WAC: variants seen among roughly 807,000 people sequenced by gnomAD.
WAC encodes the protein WW domain-containing adapter protein with coiled-coil.
A neutral mutation model predicts 79.6 loss-of-function variants in WAC; 11 were observed. That is an observed-to-expected ratio of 0.14 (90% CI 0.09 to 0.23). The LOEUF is 0.23. Among genes scored for constraint, WAC ranks in the 10% least tolerant of loss-of-function variants. WAC has a pLI of 1.00. For missense variants in WAC, 728 were observed against 773.5 expected, an observed-to-expected ratio of 0.94 and a Z score of 0.70; for synonymous variants, 304 against 276.9, an observed-to-expected ratio of 1.10 and a Z score of -0.97.
At position 28,617,676 on chromosome 10, in the gene WAC, A is replaced by G; in HGVS notation, c.1766A>G (p.Glu589Gly). ...AEKQASRLRE[E>G]AHNMGTIHMS... ...TTACAGGCATCAAGATTACGCGAAGAAGCGCATAACATGGGAACTATTCAC... is the reference window on the plus strand; with the variant it reads ...TTACAGGCATCAAGATTACGCGAAGGAGCGCATAACATGGGAACTATTCAC... Residue 589 changes from glutamate to glycine, a missense_variant, in exon 13 of 14, where the codon GAA (glutamate) becomes GGA (glycine). Glu to Gly is a moderately conservative substitution (Grantham distance 98). Around this residue, in one of 3 missense-constraint regions of WAC, gnomAD observed 66 missense variants for 78.9 expected, o/e 0.84. Coordinates refer to ENST00000354911, the MANE Select transcript of WAC (RefSeq NM_016628.5). 2 of 1,575,268 alleles carry G rather than the reference A, an allele frequency of 1.3e-6. No individual in the cohort carries two copies. Among genetic ancestry groups the G allele is most frequent in the Non-Finnish European group, 1.7e-6 (2 of 1,167,916 alleles).
intron 8 of WAC, among the ~76,000 whole-genome samples, chr10:28,609,624 C>T (rs1484332830): frequency 6.6e-6 from 1 of 152,168 alleles, no homozygotes; most frequent in African/African-American, 2.4e-5. Flanking sequence ...TGCAGTGGCT[C>T]ATGCCTGTAA....
Position 28,596,000 on chromosome 10 carries a change from C to T in WAC, c.878C>T (p.Thr293Ile), listed in dbSNP as rs1340709037. Reference protein sequence around the residue: ...NGASTLSKLPTPTSSVPAQKT... With the variant: ...NGASTLSKLPIPTSSVPAQKT... Reference sequence around the variant, plus strand: ...GCATCTACTTTATCAAAACTGCCTACACCCACATCTTCTGTCCCTGCACAG... The same window carrying T: ...GCATCTACTTTATCAAAACTGCCTATACCCACATCTTCTGTCCCTGCACAG... Residue 293 changes from threonine (T) to isoleucine (I), a missense_variant, in exon 7 of 14, where the codon ACA becomes ATA. Coordinates refer to ENST00000354911, the MANE Select transcript of WAC (RefSeq NM_016628.5). 4.3e-6 allele frequency: 7 copies of T among 1,614,028 alleles called. No individual in the cohort carries two copies. The highest frequency in any genetic ancestry group is 5.1e-6 in the Non-Finnish European group (6 of 1,180,014).
intron 5 of WAC, among the ~76,000 whole-genome samples, chr10:28,590,286 T>G (rs553805109): frequency 3.8e-5 from 5 of 130,598 alleles, no homozygotes; most frequent in Non-Finnish European, 7.7e-5. Flanking sequence ...CACTCTAGCC[T>G]GAGCAACAGA....
intron 8 of WAC, among the ~76,000 whole-genome samples, chr10:28,609,463 T>C (rs1035893862): frequency 1.3e-5 from 2 of 152,244 alleles, no homozygotes; most frequent in Non-Finnish European, 2.9e-5. Flanking sequence ...AAAATAAAGC[T>C]ATCTCAGGCT....
chr10:28,580,615 G>A (rs1023721694), intron 3 of WAC, among the ~76,000 whole-genome samples: 6 of 152,022 alleles, frequency 3.9e-5, no homozygotes, highest in African/African-American at 1.5e-4. Flanking sequence ...TTCCATTACT[G>A]TCGACAAACT....
Position 28,559,776 on chromosome 10 carries a change from G to A in WAC, c.275-23623G>A, listed in dbSNP as rs1265402700. Among the ~76,000 whole-genome samples, 4 of 152,328 alleles carry A rather than the reference G, an allele frequency of 2.6e-5. No homozygotes were observed. In the East Asian group the frequency reaches 7.7e-4, roughly 29 times the overall value. Reference sequence around the variant, plus strand: ...GAACCCACATAGCAAGAAACTTCAAGAGGTGATTAGTTAGCTTGAGCGGGG... The same window carrying A: ...GAACCCACATAGCAAGAAACTTCAAAAGGTGATTAGTTAGCTTGAGCGGGG... On this transcript the variant is annotated intron_variant, in intron 3 of 13. Coordinates refer to ENST00000354911, the MANE Select transcript of WAC (RefSeq NM_016628.5).
intron 13 of WAC, among the ~76,000 whole-genome samples, chr10:28,619,202 C>G (rs997362331): frequency 1.3e-5 from 2 of 152,280 alleles, no homozygotes; most frequent in South Asian, 2.1e-4. Flanking sequence ...ATTGCTTGAA[C>G]CCGGGAGGCG....
chr10:28,541,361 C>G (rs1748735977), intron 3 of WAC, among the ~76,000 whole-genome samples: 1 of 145,152 alleles, frequency 6.9e-6, no homozygotes, highest in Admixed American at 7.0e-5. Context: ...AGATATAACT[C>G]ATTGTCAATT....
At chr10:28,594,243 T>C (rs1010329221) in intron 6 of WAC, among the ~76,000 whole-genome samples, 11 of 152,340 alleles carry the variant, frequency 7.2e-5, no homozygotes, top group African/African-American at 2.6e-4. Flanking sequence ...TGATACATTT[T>C]GACTAGCGAT....
intron 3 of WAC, among the ~76,000 whole-genome samples, chr10:28,549,256 TG>T (rs1170896963): frequency 6.6e-6 from 1 of 152,204 alleles, no homozygotes; most frequent in African/African-American, 2.4e-5. Flanking sequence ...TTTAATCTCA[TG>T]CTTGAGCCGT....
At chr10:28,545,782 G>T (rs1482717314) in intron 3 of WAC, among the ~76,000 whole-genome samples, 1 of 152,228 alleles carries the variant, frequency 6.6e-6, no homozygotes, top group Non-Finnish European at 1.5e-5. Flanking sequence ...CAGTAGAGAA[G>T]TTTCTAATTG....
chr10:28,596,123 C>T, intron 7 of WAC, 82 bp downstream of exon 7: 6 of 1,390,480 alleles, frequency 4.3e-6, no homozygotes, highest in Non-Finnish European at 3.9e-6. Context: ...ACATTATTTC[C>T]TTTGGCTCTG....
intron 3 of WAC, among the ~76,000 whole-genome samples, chr10:28,547,910 TTTTTC>T (rs1837445454): frequency 1.9e-5 from 2 of 103,062 alleles, no homozygotes; most frequent in South Asian, 3.8e-4. Context: ...TTTCTTTCTC[TTTTTC>T]TTTTTTTTTT....
chr10:28,587,135 C>T (rs925675641), intron 4 of WAC, among the ~76,000 whole-genome samples: 1 of 151,318 alleles, frequency 6.6e-6, no homozygotes, highest in Non-Finnish European at 1.5e-5. Context: ...TGAGTCTCAT[C>T]AATATCTACC....
intron 5 of WAC, 96 bp downstream of exon 5, chr10:28,589,947 T>C: frequency 1.1e-6 from 1 of 872,164 alleles, no homozygotes; most frequent in Non-Finnish European, 1.8e-6. Flanking sequence ...AGCTTTTTTA[T>C]AGTGCTGCCC....
At chr10:28,535,956 C>T (rs1836642324) in intron 3 of WAC, 199 bp downstream of exon 3, 1 of 490,714 alleles carries the variant, frequency 2.0e-6, no homozygotes, top group Non-Finnish European at 3.4e-6. Flanking sequence ...AAAGTGGACT[C>T]TTAAGGCCAG....
chr10:28,578,048 A>G lies in WAC; in HGVS notation c.275-5351A>G, dbSNP rs535187452. 8.5e-5 allele frequency among the ~76,000 whole-genome samples: 13 copies of G among 152,308 alleles called. No homozygotes were observed. The South Asian group carries it at 2.7e-3, about 32-fold the overall frequency. ...GTAGCGTATATCTGTAGTGCCAGCT[A>G]CTTGGGAGGCTGAGGCACAAGGATC... is the stretch of plus-strand genomic sequence containing the variant. On this transcript the variant is annotated intron_variant, in intron 3 of 13. Transcript: ENST00000354911.
At chr10:28,614,456 T>C (rs1029691504) in intron 10 of WAC, 111 bp from the exon 11 acceptor site, 5 of 902,234 alleles carry the variant, frequency 5.5e-6, no homozygotes, top group Non-Finnish European at 8.8e-6. Context: ...GAGATCTAAG[T>C]TTCAGAACTT....
chr10:28,616,053 A>G (rs142957287), intron 11 of WAC, 120 bp from the exon 12 acceptor site: 1 of 804,802 alleles, frequency 1.2e-6, no homozygotes, highest in African/African-American at 1.8e-5. Flanking sequence ...TAAAATAACA[A>G]ATTTTTCTTA....
Sources: allele counts gnomAD v4.1 joint callset (sites outside exome capture counted in the v4.1 genomes callset), GRCh38; gene constraint gnomAD v4.1.1; regional missense constraint gnomAD v4.1.1; transcripts MANE v1.5; gene names NCBI Gene and HGNC (gene_info 2026-07-23, HGNC 2026-07-21).